Variants in FCHSD2 observed in about 807,000 individuals in gnomAD.
The protein encoded by FCHSD2 is FCH and double SH3 domains 2.
In FCHSD2, 38 loss-of-function variants were observed where a neutral mutation model predicts 108.1. The ratio of observed to expected loss-of-function variants is 0.35; its 90% CI spans 0.27 to 0.46. The LOEUF (loss-of-function observed/expected upper bound fraction) is 0.46. FCHSD2 is among the 20% of genes least tolerant of loss of function. FCHSD2 has a pLI of 1.00. For missense variants in FCHSD2, 751 were observed against 897.8 expected (o/e 0.84, Z 2.09); for synonymous variants, 279 against 314.7 (o/e 0.89, Z 1.20).
chr11:73,014,767 T>G (rs1009747913), intron 4 of FCHSD2, among the ~76,000 whole-genome samples: 2 of 152,176 alleles, frequency 1.3e-5, no homozygotes, highest in Non-Finnish European at 2.9e-5. Flanking sequence ...CACTGACTTC[T>G]GGGTCCTTCA....
chr11:72,947,797 A>T (rs1856546759), intron 8 of FCHSD2, among the ~76,000 whole-genome samples: 1 of 152,248 alleles, frequency 6.6e-6, no homozygotes, highest in Non-Finnish European at 1.5e-5. Context: ...AGAAAACAAA[A>T]ATCACAGGTA....
intron 2 of FCHSD2, among the ~76,000 whole-genome samples, chr11:73,117,253 G>A (rs1860625459): frequency 6.6e-6 from 1 of 152,178 alleles, no homozygotes; most frequent in South Asian, 2.1e-4. Context: ...AGGAAGCTAA[G>A]AAGACACAGA....
At chr11:72,870,727 T>C (rs1854836604) in intron 12 of FCHSD2, among the ~76,000 whole-genome samples, 1 of 151,710 alleles carries the variant, frequency 6.6e-6, no homozygotes, top group African/African-American at 2.4e-5. Flanking sequence ...AGTGAAACCC[T>C]GTCTCTACTA....
intron 2 of FCHSD2, among the ~76,000 whole-genome samples, chr11:73,109,531 C>T (rs563074975): frequency 1.3e-5 from 2 of 152,262 alleles, no homozygotes; most frequent in East Asian, 3.9e-4. Context: ...TGTTGGCATA[C>T]AGAAATCTTA....
chr11:72,873,186 G>C (rs1168351576), intron 12 of FCHSD2, among the ~76,000 whole-genome samples: 1 of 151,838 alleles, frequency 6.6e-6, no homozygotes, highest in African/African-American at 2.4e-5. Flanking sequence ...AAAATTAGCC[G>C]GACACGGTGG....
chr11:72,876,877 A>G (rs1265914671), intron 12 of FCHSD2, among the ~76,000 whole-genome samples: 2 of 152,152 alleles, frequency 1.3e-5, no homozygotes, highest in African/African-American at 4.8e-5. Flanking sequence ...ATTTTAATAT[A>G]TTCATGATGA....
rs139386488 is a variant in FCHSD2 at position 72,997,726 on chromosome 11, G to T, written c.387+3264C>A. On this transcript the variant is annotated intron_variant, in intron 5 of 19. Coordinates refer to ENST00000409418, the MANE Select transcript of FCHSD2 (RefSeq NM_014824.3). ...TTTTCTTTGTTTTGTTTTGAGAAAGGGTCTCCCTCTGTCATCCAGGCTGGA... is the reference window on the plus strand; with the variant it reads ...TTTTCTTTGTTTTGTTTTGAGAAAGTGTCTCCCTCTGTCATCCAGGCTGGA... Among the ~76,000 whole-genome samples the T allele has an allele frequency of 3.4e-3, 523 of 152,174 alleles. 3 individuals carry two copies. Among genetic ancestry groups the T allele is most frequent in the Non-Finnish European group, 5.8e-3 (396 of 67,998 alleles).
At chr11:72,879,776 G>A (rs1855042416) in intron 12 of FCHSD2, among the ~76,000 whole-genome samples, 1 of 152,030 alleles carries the variant, frequency 6.6e-6, no homozygotes, top group Admixed American at 6.6e-5. Flanking sequence ...TGACATGTAG[G>A]ATAATATCAA....
rs57081131 is a variant in FCHSD2, at chr11:72,854,956, G to A, written c.1309-5067C>T. Among the ~76,000 whole-genome samples, 794 of 151,718 alleles carry A rather than the reference G, an allele frequency of 5.2e-3. 4 individuals are homozygous for A. The highest frequency in any genetic ancestry group is 0.018 in the African/African-American group (733 of 41,326). Reference sequence around the variant, plus strand: ...AGTTCGAGACCAGCCTGGCCAACATGGTGAAACCCTATCTCTACTAAAAAT... The same window carrying A: ...AGTTCGAGACCAGCCTGGCCAACATAGTGAAACCCTATCTCTACTAAAAAT... On this transcript the variant is annotated intron_variant, in intron 13 of 19. Transcript: ENST00000409418.
At chr11:72,897,224 T>TTCAAACAA (rs1395028805) in intron 10 of FCHSD2, among the ~76,000 whole-genome samples, 1 of 152,092 alleles carries the variant, frequency 6.6e-6, no homozygotes, top group Non-Finnish European at 1.5e-5. Context: ...CTATTTAATT[T>TTCAAACAA]TCAAACAAAT....
At chr11:72,924,524 C>T (rs183692622) in intron 8 of FCHSD2, among the ~76,000 whole-genome samples, 3 of 151,640 alleles carry the variant, frequency 2.0e-5, no homozygotes, top group South Asian at 2.1e-4. Flanking sequence ...TCTCGTGATC[C>T]GCCCACCTTG....
At chr11:73,053,604 T>G (rs922874270) in intron 3 of FCHSD2, among the ~76,000 whole-genome samples, 4 of 152,194 alleles carry the variant, frequency 2.6e-5, no homozygotes, top group Admixed American at 2.6e-4. Flanking sequence ...CTGTCGTCAA[T>G]CCAACCTAGA....
intron 8 of FCHSD2, 86 bp from the exon 9 acceptor site, chr11:72,922,036 G>C: frequency 2.3e-6 from 2 of 886,358 alleles, no homozygotes; most frequent in Non-Finnish European, 3.4e-6. Flanking sequence ...AAGTAGGTAT[G>C]TTCAGTTTAA....
At chr11:72,933,415 C>A (rs1438952098) in intron 8 of FCHSD2, among the ~76,000 whole-genome samples, 2 of 152,182 alleles carry the variant, frequency 1.3e-5, no homozygotes, top group Admixed American at 1.3e-4. Context: ...AGGACAGGGA[C>A]AGTGTCCTTG....
At chr11:73,131,472 T>C (rs1244557424) in intron 2 of FCHSD2, among the ~76,000 whole-genome samples, 1 of 151,742 alleles carries the variant, frequency 6.6e-6, no homozygotes, top group Non-Finnish European at 1.5e-5. Flanking sequence ...GACCTTGCAG[T>C]GAGCCAAGAT....
Position 73,018,257 on chromosome 11 carries a change from T to G in FCHSD2, c.166-2372A>C, listed in dbSNP as rs181793089. On this transcript the variant is annotated intron_variant, in intron 3 of 19. Transcript: ENST00000409418. Reference sequence around the variant, plus strand: ...TTGTTTTACAGTTCCTGGCCCAGACTTGAAATAAGCTAGTTCTCCAAGGAA... The same window carrying G: ...TTGTTTTACAGTTCCTGGCCCAGACGTGAAATAAGCTAGTTCTCCAAGGAA... 1.0e-3 allele frequency among the ~76,000 whole-genome samples: 154 copies of G among 152,308 alleles called. 1 individual carries two copies. The East Asian group carries it at 0.022, about 22-fold the overall frequency.
intron 3 of FCHSD2, among the ~76,000 whole-genome samples, chr11:73,033,995 AAT>A (rs1302402232): frequency 6.7e-6 from 1 of 149,458 alleles, no homozygotes; most frequent in Non-Finnish European, 1.5e-5. Flanking sequence ...ATGAAAATAT[AAT>A]AGACAATTTT....
chr11:73,083,464 G>A (rs967634285), intron 3 of FCHSD2, among the ~76,000 whole-genome samples: 19 of 151,740 alleles, frequency 1.3e-4, no homozygotes, highest in African/African-American at 4.4e-4. Flanking sequence ...CAGGAGAATC[G>A]CTTGAACCTG....
chr11:72,882,751 G>C (rs1317261430), intron 12 of FCHSD2, among the ~76,000 whole-genome samples: 2 of 152,184 alleles, frequency 1.3e-5, no homozygotes, highest in African/African-American at 2.4e-5. Context: ...TCATGAATTA[G>C]AAGACTCAAT....
Sources: allele counts gnomAD v4.1 joint callset (sites outside exome capture counted in the v4.1 genomes callset), GRCh38; gene constraint gnomAD v4.1.1; transcripts MANE v1.5; gene names NCBI Gene and HGNC (gene_info 2026-07-23, HGNC 2026-07-21).